The following CCDC33 variants were observed in gnomAD, a reference collection of about 807,000 sequenced individuals.
CCDC33 encodes coiled-coil domain containing 33.
A neutral mutation model predicts 91.9 loss-of-function variants in CCDC33; 94 were observed. The ratio of observed to expected loss-of-function variants is 1.02; its 90% CI spans 0.87 to 1.21. CCDC33 has a LOEUF of 1.21. Ranked by LOEUF, CCDC33 falls within the 50% of genes most tolerant of loss-of-function variation. The pLI, the probability that CCDC33 is intolerant of heterozygous loss-of-function variation, is 0.00. For synonymous variants in CCDC33, 396 were observed against 374.5 expected, an observed-to-expected ratio of 1.06 and a Z score of -0.66; for missense variants, 940 against 935.5, an observed-to-expected ratio of 1.00 and a Z score of -0.06.
At chr15:74,208,022 A>T in intron 1 of CCDC33, 1 of 1,364,384 alleles carries the variant, frequency 7.3e-7, no homozygotes, top group Middle Eastern at 2.8e-4. Context: ...TGCAATTCTC[A>T]TGCCCCCCTC....
At chr15:74,283,676 C>T (rs575075630) in intron 10 of CCDC33, among the ~76,000 whole-genome samples, 2 of 152,102 alleles carry the variant, frequency 1.3e-5, no homozygotes, top group East Asian at 1.9e-4. Context: ...CCCCTGGAGG[C>T]GGGTAAAAAA....
chr15:74,226,372 G>A (rs944172847), intron 2 of CCDC33, among the ~76,000 whole-genome samples: 3 of 152,192 alleles, frequency 2.0e-5, no homozygotes, highest in Non-Finnish European at 2.9e-5. Context: ...TCATCTGTAC[G>A]ATGGACAGAG....
chr15:74,230,635 C>T (rs1415471322), intron 2 of CCDC33, among the ~76,000 whole-genome samples: 1 of 152,190 alleles, frequency 6.6e-6, no homozygotes, highest in Non-Finnish European at 1.5e-5. Context: ...GAGAACATCA[C>T]ACTCTACTCG....
At chr15:74,299,060 T>C (rs976961753) in intron 11 of CCDC33, among the ~76,000 whole-genome samples, 1 of 151,686 alleles carries the variant, frequency 6.6e-6, no homozygotes, top group Non-Finnish European at 1.5e-5. Flanking sequence ...GACAGAGGAG[T>C]AGGCAGAGAA....
At chr15:74,333,135 C>T (rs1353404496) in intron 16 of CCDC33, 31 of 1,132,498 alleles carry the variant, frequency 2.7e-5, no homozygotes, top group Non-Finnish European at 3.7e-5. Flanking sequence ...TGGCCTCCAC[C>T]TGGACCCTAC....
At chr15:74,309,147 G>A (rs536887937) in intron 11 of CCDC33, among the ~76,000 whole-genome samples, 14 of 152,140 alleles carry the variant, frequency 9.2e-5, no homozygotes, top group African/African-American at 2.9e-4. Flanking sequence ...GCTACCCCCC[G>A]CCCTGAACCC....
At chr15:74,310,414 G>A (rs1198165680) in intron 11 of CCDC33, among the ~76,000 whole-genome samples, 1 of 151,872 alleles carries the variant, frequency 6.6e-6, no homozygotes, top group Non-Finnish European at 1.5e-5. Flanking sequence ...GTGCATGCCT[G>A]TAATCCCAGC....
chr15:74,230,431 C>G (rs1461182736), intron 2 of CCDC33, among the ~76,000 whole-genome samples: 3 of 152,168 alleles, frequency 2.0e-5, no homozygotes, highest in South Asian at 2.1e-4. Context: ...CCTTGTTACA[C>G]GAGTTATTGA....
At chr15:74,273,442 A>G (rs1005456149) in intron 7 of CCDC33, among the ~76,000 whole-genome samples, 5 of 152,242 alleles carry the variant, frequency 3.3e-5, no homozygotes, top group African/African-American at 1.2e-4. Flanking sequence ...ACAATGGTGA[A>G]TGTTGTGTTA....
At position 74,245,630 on chromosome 15, in the gene CCDC33, C is replaced by G. The variant is rs144228093; in HGVS notation, c.185+1482C>G. Among the ~76,000 whole-genome samples, 148 of 152,324 alleles carry G rather than the reference C, an allele frequency of 9.7e-4. No individual in the cohort carries two copies. The East Asian group carries it at 0.024, about 24-fold the overall frequency. On this transcript the variant is annotated intron_variant, in intron 2 of 18. Coordinates refer to ENST00000398814, the MANE Select transcript of CCDC33 (RefSeq NM_025055.5). The stretch of plus-strand genomic sequence containing the variant: ...GCAGGCACCGCGACCCGCGCCATCA[C>G]CCGGTTGCCATGGGAACGCGCGGCA...
chr15:74,236,688 A>G lies in CCDC33; in HGVS notation c.-32A>G, dbSNP rs769874630. 1.2e-6 allele frequency: 2 copies of G among 1,611,766 alleles called. No homozygotes were observed. The highest frequency in any genetic ancestry group is 2.2e-5 in the South Asian group (2 of 90,792). On this transcript the variant is annotated 5_prime_UTR_variant, in exon 1 of 19. Coordinates refer to ENST00000398814, the MANE Select transcript of CCDC33 (RefSeq NM_025055.5). The stretch of plus-strand genomic sequence containing the variant: ...CCAAGTACTCATCCCCAAGATTGTT[A>G]AACAAGGCCAGACACTCCTGGCCTC...
chr15:74,282,945 G>A (rs187829488), intron 10 of CCDC33, among the ~76,000 whole-genome samples: 18 of 152,308 alleles, frequency 1.2e-4, no homozygotes, highest in African/African-American at 1.9e-4. Flanking sequence ...ACTAATGTCC[G>A]CGCCAACCCA....
Position 74,331,002 on chromosome 15 carries a change from C to A in CCDC33, c.1567C>A (p.Leu523Met). ...LIRKNDREKE[L>M]LLLYQAQQPQ... ...ACAGAAGAATGATCGAGAGAAGGAG[C>A]TGCTCCTTCTGTATCAGGCCCAGCA... Residue 523 changes from leucine to methionine, a missense_variant, in exon 14 of 19, where the codon CTG becomes ATG. Leu to Met is a conservative substitution (Grantham distance 15). Coordinates refer to ENST00000398814, the MANE Select transcript of CCDC33 (RefSeq NM_025055.5). 1 of 1,600,024 alleles carries A rather than the reference C, an allele frequency of 6.2e-7. No individual in the cohort carries two copies. The highest frequency in any genetic ancestry group is 1.7e-5 in the Admixed American group (1 of 58,102).
intron 11 of CCDC33, among the ~76,000 whole-genome samples, chr15:74,313,775 G>A (rs115781861): frequency 0.018 from 2,785 of 152,186 alleles, 79 homozygotes; most frequent in African/African-American, 0.064. Flanking sequence ...ATAGCACATT[G>A]GATTTGTTTA....
intron 2 of CCDC33, chr15:74,209,611 G>A (rs777923813): frequency 1.6e-6 from 1 of 633,798 alleles, no homozygotes; most frequent in Non-Finnish European, 2.7e-6. Context: ...TCACAGACAG[G>A]CTGGGGTTCT....
rs563465518 is a variant in CCDC33 at position 74,245,264 on chromosome 15, G to A, written c.185+1116G>A. The stretch of plus-strand genomic sequence containing the variant: ...AAGGAGTGACTGAGGCCAACACCTG[G>A]TTACTATGATAAGTCCCTGCCCCCC... On this transcript the variant is annotated intron_variant, in intron 2 of 18. Coordinates refer to ENST00000398814, the MANE Select transcript of CCDC33 (RefSeq NM_025055.5). Among the ~76,000 whole-genome samples, 7 of 152,300 alleles carry A rather than the reference G, an allele frequency of 4.6e-5. No individual in the cohort carries two copies. In the East Asian group the frequency reaches 1.4e-3, roughly 29 times the overall value.
At chr15:74,255,778 C>G (rs983285498) in intron 2 of CCDC33, among the ~76,000 whole-genome samples, 5 of 152,264 alleles carry the variant, frequency 3.3e-5, no homozygotes, top group African/African-American at 1.2e-4. Context: ...ACTTTCCCCC[C>G]ACAGCTGGGT....
At chr15:74,311,858 C>T (rs1214114106) in intron 11 of CCDC33, 1 of 152,226 alleles carries the variant, frequency 6.6e-6, no homozygotes, top group Non-Finnish European at 1.5e-5. Context: ...TGTGTTCACA[C>T]ACTTTACAGA....
At chr15:74,215,264 GA>G (rs2074410461), upstream of CCDC33, among the ~76,000 whole-genome samples, 1 of 152,188 alleles carries the variant, frequency 6.6e-6, no homozygotes. Context: ...TATGTTAAGT[GA>G]AATAAGCCAT....
Sources: gnomAD v4.1 joint callset for allele counts (sites outside exome capture counted in the v4.1 genomes callset) on GRCh38, gnomAD v4.1.1 for gene constraint, MANE v1.5 for transcripts, NCBI Gene and HGNC (gene_info 2026-07-23, HGNC 2026-07-21) for gene names.